PIGG: variants seen among roughly 807,000 people sequenced by gnomAD.
PIGG encodes the protein phosphatidylinositol glycan anchor biosynthesis class G (EMM blood group).
PIGG carries 70 observed loss-of-function variants against 83.2 expected under a neutral mutation model. That is an observed-to-expected ratio of 0.84 (90% confidence interval 0.69 to 1.03). The LOEUF (loss-of-function observed/expected upper bound fraction) is 1.03. PIGG is among the 50% of genes least tolerant of loss of function. The probability of loss-of-function intolerance (pLI) is 0.00; values close to 1 mark genes in which losing one functional copy is unlikely to be tolerated. For synonymous variants in PIGG, 532 were observed against 519.5 expected (o/e 1.02, Z -0.33); for missense variants, 1,257 against 1,233.6 (o/e 1.02, Z -0.28).
At chr4:530,175 G>A (rs1728672322) in intron 10 of PIGG, among the ~76,000 whole-genome samples, 1 of 152,062 alleles carries the variant, frequency 6.6e-6, no homozygotes, top group Admixed American at 6.6e-5. Flanking sequence ...AGATCTCCCC[G>A]AAGCCAGCCC....
At chr4:537,258 T>C (rs1261496830) in intron 12 of PIGG, 1 of 152,204 alleles carries the variant, frequency 6.6e-6, no homozygotes, top group African/African-American at 2.4e-5. Flanking sequence ...CCTTGAGTGG[T>C]TGGCGACCCT....
In PIGG at chr4:506,729, C is replaced by G. The variant is rs544861543; in HGVS notation, c.571-676C>G. ...AGCTCTATTGGGGGCTGATCAACTG[C>G]TCATCTCTCCTCCGTGATGTGTTTA... On this transcript the variant is annotated intron_variant, in intron 3 of 12. Coordinates refer to ENST00000453061, the MANE Select transcript of PIGG (RefSeq NM_001127178.3). The G allele has an allele frequency of 1.7e-3, 782 of 455,698 alleles. 10 individuals are homozygous for G. Among genetic ancestry groups the G allele is most frequent in the South Asian group, 0.012 (757 of 64,538 alleles). The allele number at this position is 455,698 out of a possible 1,614,324, so 28.2% of individuals were successfully genotyped here.
At position 522,125 on chromosome 4, in the gene PIGG, T is replaced by C. The variant is rs534227832; in HGVS notation, c.1614+184T>C. 4.7e-3 allele frequency: 3,133 copies of C among 663,740 alleles called. 12 individuals are homozygous for C. The highest frequency in any genetic ancestry group is 6.7e-3 in the Non-Finnish European group (2,478 of 369,404). 41.1% of individuals were successfully genotyped at this position (663,740 alleles called of 1,614,324 possible). ...AGCAGCCTTATCCCAGGCCTCTGGG[T>C]GTCCCGACACAGGTGTTCACATCTG... On this transcript the variant is annotated intron_variant, in intron 8 of 12. Coordinates refer to ENST00000453061, the MANE Select transcript of PIGG (RefSeq NM_001127178.3).
rs1553874047 is a variant in PIGG at position 499,404 on chromosome 4, C to T, written c.69C>T (p.Phe23=). The T allele has an allele frequency of 6.2e-7, 1 of 1,609,654 alleles. No homozygotes were observed. Among genetic ancestry groups the T allele is most frequent in the East Asian group, 2.2e-5 (1 of 44,858 alleles). ...VAIEVLGIAV[F]LRGFFPAPVR... is the part of the protein sequence containing the mutation. ...TCGAGGTGCTAGGGATCGCGGTCTT[C>T]CTTCGGGGATTCTTCCCGGCTCCCG... is the stretch of plus-strand genomic sequence containing the variant. The change falls in exon 1 of 13, where the codon TTC becomes TTT. Residue 23 remains phenylalanine (F), a synonymous_variant. Coordinates refer to ENST00000453061, the MANE Select transcript of PIGG (RefSeq NM_001127178.3).
intron 2 of PIGG, among the ~76,000 whole-genome samples, chr4:505,073 G>C (rs550391926): frequency 2.0e-5 from 3 of 152,084 alleles, no homozygotes; most frequent in Non-Finnish European, 4.4e-5. Flanking sequence ...ATCTTAATTG[G>C]GACCTGGCAG....
intron 2 of PIGG, among the ~76,000 whole-genome samples, chr4:505,459 C>CAAAA (rs35308755): frequency 1.1e-4 from 5 of 45,006 alleles, no homozygotes; most frequent in Non-Finnish European, 1.6e-4. Flanking sequence ...CTGTATCTAC[C>CAAAA]AAAAAAAAAA....
rs186289341 is a variant in PIGG at position 526,533 on chromosome 4, C to T, written c.2070-506C>T. The stretch of plus-strand genomic sequence containing the variant: ...CATGTGGGTCTAGGGACGTATCATG[C>T]GTTACTGAGTTAATGGGAGGAGGCA... On this transcript the variant is annotated intron_variant, in intron 9 of 12. Transcript: ENST00000453061. Among the ~76,000 whole-genome samples, 36 of 152,264 alleles carry T rather than the reference C, an allele frequency of 2.4e-4. 1 individual carries two copies. The highest frequency in any genetic ancestry group is 1.3e-3 in the Admixed American group (20 of 15,302).
At chr4:525,691 T>G (rs1189998621) in intron 9 of PIGG, 2 of 152,262 alleles carry the variant, frequency 1.3e-5, no homozygotes, top group Non-Finnish European at 2.9e-5. Flanking sequence ...GTAATTCTTG[T>G]GGGAGGCTAA....
intron 1 of PIGG, 81 bp from the exon 2 acceptor site, chr4:500,311 AGTAG>A: frequency 1.1e-6 from 1 of 945,630 alleles, no homozygotes; most frequent in Non-Finnish European, 1.6e-6. Context: ...GTGCTGGAGA[AGTAG>A]GTAGAAGCTA....
intron 3 of PIGG, among the ~76,000 whole-genome samples, chr4:506,293 G>A (rs1046809638): frequency 3.3e-5 from 5 of 152,224 alleles, no homozygotes; most frequent in Non-Finnish European, 7.3e-5. Flanking sequence ...ACATGGCAGA[G>A]CTGTAGGACT....
At chr4:507,000 T>A (rs1719953007) in intron 3 of PIGG, 3 of 295,924 alleles carry the variant, frequency 1.0e-5, no homozygotes, top group South Asian at 9.1e-5. Context: ...AGAAAAATAT[T>A]TTTGTCAGAA....
In PIGG at chr4:515,229, T is replaced by A. The variant is rs1232580336; in HGVS notation, c.902-744T>A. Reference sequence around the variant, plus strand: ...TACGTTGAATTCCAGGGTGTGGAGCTGTTTGCTGTCTTTACAGATGAAAAC... The same window carrying A: ...TACGTTGAATTCCAGGGTGTGGAGCAGTTTGCTGTCTTTACAGATGAAAAC... On this transcript the variant is annotated intron_variant, in intron 5 of 12. Transcript: ENST00000453061. The surrounding 1 kb of genome is among the most constrained non-coding windows in gnomAD (Gnocchi z 4.2). 1.3e-5 allele frequency among the ~76,000 whole-genome samples: 2 copies of A among 152,288 alleles called. No homozygotes were observed. The highest frequency in any genetic ancestry group is 2.9e-5 in the Non-Finnish European group (2 of 68,058).
rs755701436 is a variant in PIGG at position 523,517 on chromosome 4, C to T, written c.1673C>T (p.Thr558Met). 1.1e-5 allele frequency: 18 copies of T among 1,614,076 alleles called. No homozygotes were observed. The highest frequency in any genetic ancestry group is 1.6e-4 in the Middle Eastern group (1 of 6,062). The change falls in exon 9 of 13, where the codon ACG becomes ATG. Residue 558 changes from threonine to methionine, a missense_variant. By Grantham distance (81) the Thr-to-Met change is moderately conservative (BLOSUM62 -1). Coordinates refer to ENST00000453061, the MANE Select transcript of PIGG (RefSeq NM_001127178.3). ...CTAGACCTTCTTATTCTGTTGGGGA[C>T]GGCGGGCCACGTCTTGAGCCTGGGC... The part of the protein sequence containing the change: ...SELDLLILLG[T>M]AGHVLSLGAS...
intron 2 of PIGG, among the ~76,000 whole-genome samples, chr4:503,429 T>G (rs933031126): frequency 1.3e-5 from 2 of 152,176 alleles, no homozygotes; most frequent in Non-Finnish European, 2.9e-5. Flanking sequence ...TTCATCCTCA[T>G]ATAGGCCCCC....
intron 12 of PIGG, among the ~76,000 whole-genome samples, chr4:538,458 G>A (rs1189000424): frequency 6.6e-6 from 1 of 152,174 alleles, no homozygotes; most frequent in African/African-American, 2.4e-5. Context: ...TTGTATTTAT[G>A]TTTATTTGTA....
intron 5 of PIGG, among the ~76,000 whole-genome samples, chr4:512,576 G>A (rs1288957368): frequency 1.3e-5 from 2 of 151,834 alleles, no homozygotes; most frequent in Admixed American, 1.3e-4. Context: ...CAGCACTTTG[G>A]GAGGCCAAGG....
rs191319935 is a variant in PIGG at position 506,898 on chromosome 4, G to T, written c.571-507G>T. ...TCCTGTCTTTAATTAACTGCCCTTT[G>T]CCCTTAGTTACCTCATGACAACTTG... is the stretch of plus-strand genomic sequence containing the variant. On this transcript the variant is annotated intron_variant, in intron 3 of 12. Transcript: ENST00000453061. 1.8e-4 allele frequency: 74 copies of T among 406,496 alleles called. No homozygotes were observed. The East Asian group carries it at 3.5e-3, about 19-fold the overall frequency. 25.2% of individuals were successfully genotyped at this position (406,496 alleles called of 1,614,324 possible).
At chr4:532,089 C>G (rs76902614) in intron 11 of PIGG, 10,920 of 152,424 alleles carry the variant, frequency 0.072, 458 homozygotes, top group East Asian at 0.19. Context: ...ATCCCTACTT[C>G]CTGCCCTCGA....
In PIGG at chr4:528,847, C is replaced by T. The variant is rs1003160985; in HGVS notation, c.2262-1589C>T. 1 of 413,598 alleles carries T rather than the reference C, an allele frequency of 2.4e-6. No homozygotes were observed. 25.6% of individuals were successfully genotyped at this position (413,598 alleles called of 1,614,324 possible). ...AGCCAGTGTGCCTTTTCTTTCCACA[C>T]GCACTGCCTGGTTCACCTTCTTCCT... On this transcript the variant is annotated intron_variant, in intron 10 of 12. Coordinates refer to ENST00000453061, the MANE Select transcript of PIGG (RefSeq NM_001127178.3). The surrounding 1 kb of genome is among the most constrained non-coding windows in gnomAD (Gnocchi z 4.8).
Sources: allele counts gnomAD v4.1 joint callset (sites outside exome capture counted in the v4.1 genomes callset), GRCh38; gene constraint gnomAD v4.1.1; non-coding constraint Gnocchi (gnomAD v3.1); transcripts MANE v1.5; gene names NCBI Gene and HGNC (gene_info 2026-07-23, HGNC 2026-07-21).